Variants in TOX3 observed in about 807,000 individuals in gnomAD.
TOX3 encodes CAG trinucleotide repeat-containing gene F9 protein.
TOX3 carries 22 observed loss-of-function variants against 64.3 expected under a neutral mutation model. The observed-to-expected ratio is 0.34, with a 90% confidence interval of 0.24 to 0.49. The LOEUF (loss-of-function observed/expected upper bound fraction) is 0.49, where lower values mean the gene tolerates loss of function less well. TOX3 is among the 20% of genes least tolerant of loss of function. TOX3 has a pLI of 0.99. For synonymous variants in TOX3, 291 were observed against 273.6 expected, an observed-to-expected ratio of 1.06 and a Z score of -0.63; for missense variants, 661 against 714.4, an observed-to-expected ratio of 0.93 and a Z score of 0.85.
In TOX3 at chr16:52,438,479, G is replaced by A. The variant is rs980301870; in HGVS notation, c.*746C>T. On this transcript the variant is annotated 3_prime_UTR_variant, in exon 7 of 7. Transcript: ENST00000219746. ...ACAGTGTTTTTATTTTTCGAAACTT[G>A]TCACTCAAAACACGGAATATAGTAT... 1.3e-5 allele frequency: 2 copies of A among 150,102 alleles called. No individual in the cohort carries two copies. The allele number at this position is 150,102 out of a possible 1,614,324, so 9.3% of individuals were successfully genotyped here.
At chr16:52,495,918 C>G (rs539408745) in intron 1 of TOX3, among the ~76,000 whole-genome samples, 1 of 152,284 alleles carries the variant, frequency 6.6e-6, no homozygotes, top group South Asian at 2.1e-4. Context: ...ACCTCCACCC[C>G]ATCATCAACA....
chr16:52,443,516 C>A (rs537486319), intron 6 of TOX3, among the ~76,000 whole-genome samples: 2 of 152,258 alleles, frequency 1.3e-5, no homozygotes, highest in East Asian at 3.9e-4. Flanking sequence ...CTAGGTTGTA[C>A]TTGAGACAGC....
chr16:52,513,147 T>A (rs2151473309), intron 1 of TOX3, among the ~76,000 whole-genome samples: 1 of 152,208 alleles, frequency 6.6e-6, no homozygotes, highest in South Asian at 2.1e-4. Flanking sequence ...GCTGAATAAA[T>A]CACAACCTTA....
In TOX3 at chr16:52,439,100, A is replaced by G; in HGVS notation, c.*125T>C. ...ATTGCCTATCTAATAGACACTTGAG[A>G]GGACCGTTTGATCTGTTACACATTT... On this transcript the variant is annotated 3_prime_UTR_variant, in exon 7 of 7. Transcript: ENST00000219746. 7.2e-7 allele frequency: 1 copy of G among 1,381,808 alleles called. No individual in the cohort carries two copies. Among genetic ancestry groups the G allele is most frequent in the Non-Finnish European group, 1.0e-6 (1 of 1,000,330 alleles). The allele number at this position is 1,381,808 out of a possible 1,614,324, so 85.6% of individuals were successfully genotyped here.
intron 1 of TOX3, among the ~76,000 whole-genome samples, chr16:52,539,328 G>A (rs1052974442): frequency 2.0e-5 from 3 of 151,708 alleles, no homozygotes; most frequent in African/African-American, 7.3e-5. Flanking sequence ...TTTTAATGGT[G>A]CAGTAGGATT....
At chr16:52,501,259 A>G (rs971951546) in intron 1 of TOX3, among the ~76,000 whole-genome samples, 1 of 152,230 alleles carries the variant, frequency 6.6e-6, no homozygotes, top group African/African-American at 2.4e-5. Flanking sequence ...TGGGCACCCA[A>G]TTGCAACATA....
chr16:52,540,073 C>T (rs1035679208), intron 1 of TOX3, among the ~76,000 whole-genome samples: 2 of 151,966 alleles, frequency 1.3e-5, no homozygotes, highest in African/African-American at 2.4e-5. Context: ...CTAACCAATC[C>T]ACCGGTCCAC....
At chr16:52,545,775 TG>T (rs893117463) in intron 1 of TOX3, among the ~76,000 whole-genome samples, 1 of 151,790 alleles carries the variant, frequency 6.6e-6, no homozygotes, top group African/African-American at 2.4e-5. Context: ...CACCGGATGG[TG>T]GGGGGGAATT....
chr16:52,540,273 C>A (rs1963048358), intron 1 of TOX3, among the ~76,000 whole-genome samples: 1 of 150,344 alleles, frequency 6.7e-6, no homozygotes, highest in African/African-American at 2.4e-5. Context: ...GTGGTCCCAG[C>A]TACTCAGGAG....
chr16:52,523,119 A>G (rs565220997), intron 1 of TOX3, among the ~76,000 whole-genome samples: 38 of 152,352 alleles, frequency 2.5e-4, no homozygotes, highest in Admixed American at 2.2e-3. Flanking sequence ...AGGGAAAGCA[A>G]TGAGGTGCCC....
intron 1 of TOX3, among the ~76,000 whole-genome samples, chr16:52,495,528 G>C (rs942556394): frequency 4.6e-5 from 7 of 152,178 alleles, no homozygotes; most frequent in African/African-American, 1.4e-4. Flanking sequence ...TATTGGGGGA[G>C]TATTACTTTC....
intron 2 of TOX3, among the ~76,000 whole-genome samples, chr16:52,465,484 T>C (rs1960838208): frequency 6.7e-6 from 1 of 149,476 alleles, no homozygotes; most frequent in African/African-American, 2.5e-5. Flanking sequence ...TTTTTTTTTT[T>C]TTTTTGGTCA....
chr16:52,504,262 C>A (rs887959916), intron 1 of TOX3, among the ~76,000 whole-genome samples: 1 of 151,910 alleles, frequency 6.6e-6, no homozygotes, highest in Non-Finnish European at 1.5e-5. Flanking sequence ...GTCAGGAGAT[C>A]GAGACCATCC....
chr16:52,473,823 A>G (rs1360059051), intron 1 of TOX3, among the ~76,000 whole-genome samples: 2 of 152,210 alleles, frequency 1.3e-5, no homozygotes, highest in Non-Finnish European at 2.9e-5. Flanking sequence ...AAACATTGCA[A>G]ACAACAGGCT....
chr16:52,514,056 C>T (rs1962380685), intron 1 of TOX3, among the ~76,000 whole-genome samples: 1 of 152,168 alleles, frequency 6.6e-6, no homozygotes, highest in South Asian at 2.1e-4. Context: ...TCATTGACCA[C>T]TGCAGAAAAG....
chr16:52,452,225 G>A (rs1187151713), intron 3 of TOX3, among the ~76,000 whole-genome samples: 2 of 152,310 alleles, frequency 1.3e-5, no homozygotes, highest in East Asian at 3.9e-4. Context: ...GGGGCAAGGA[G>A]GGGAGAGTTT....
intron 1 of TOX3, among the ~76,000 whole-genome samples, chr16:52,485,178 CGTGTGTATATGTAGTGT>C (rs1218895712): frequency 3.0e-5 from 4 of 131,268 alleles, no homozygotes; most frequent in African/African-American, 6.1e-5. Context: ...TGTATATATG[CGTGTGTATATGTAGTGT>C]GTGTGTATAT....
intron 1 of TOX3, among the ~76,000 whole-genome samples, chr16:52,472,967 C>T (rs1961090392): frequency 6.6e-6 from 1 of 152,134 alleles, no homozygotes; most frequent in South Asian, 2.1e-4. Context: ...CCTCATTGTA[C>T]TTGGAGGTAG....
At chr16:52,465,575 T>C (rs1401663765) in intron 2 of TOX3, among the ~76,000 whole-genome samples, 1 of 150,832 alleles carries the variant, frequency 6.6e-6, no homozygotes, top group Non-Finnish European at 1.5e-5. Context: ...CTATTAATAG[T>C]ATTTGAAAGA....
Sources: allele counts gnomAD v4.1 joint callset (sites outside exome capture counted in the v4.1 genomes callset), GRCh38; gene constraint gnomAD v4.1.1; transcripts MANE v1.5; gene names NCBI Gene and HGNC (gene_info 2026-07-23, HGNC 2026-07-21).